The following SLC6A2 variants were observed in gnomAD, a reference collection of about 807,000 sequenced individuals.
SLC6A2 encodes solute carrier family 6 member 2.
A neutral mutation model predicts 71.7 loss-of-function variants in SLC6A2; 26 were observed. The ratio of observed to expected loss-of-function variants is 0.36; its 90% CI spans 0.27 to 0.50. The LOEUF is 0.50. Ranked by LOEUF, SLC6A2 falls within the 20% of genes least tolerant of loss-of-function variation. The pLI is 0.96. For missense variants in SLC6A2, 581 were observed against 803.9 expected (o/e 0.72, Z 3.35); for synonymous variants, 363 against 337.9 (o/e 1.07, Z -0.82).
chr16:55,690,252 A>G (rs28645660), intron 5 of SLC6A2, among the ~76,000 whole-genome samples: 148,224 of 152,314 alleles, frequency 0.97, 72,253 homozygotes, highest in Middle Eastern at 1. Context: ...CATGTGCCGG[A>G]TTCTGGGGAT....
rs1380766172 is a variant in SLC6A2, at chr16:55,698,028, G to A, written c.1389+3G>A. 1 of 1,614,046 alleles carries A rather than the reference G, an allele frequency of 6.2e-7. No individual in the cohort carries two copies. The highest frequency in any genetic ancestry group is 1.3e-5 in the African/African-American group (1 of 74,938). ...TCGCCCTGTTCTGCATAACCAAGGT[G>A]AGTAGGGGCTGGGCTCTGGGTCACC... On this transcript the variant is annotated splice_donor_region_variant and intron_variant, in intron 10 of 14. Transcript: ENST00000568943.
chr16:55,695,553 A>C, intron 8 of SLC6A2, 151 bp downstream of exon 8: 1 of 865,360 alleles, frequency 1.2e-6, no homozygotes, highest in South Asian at 1.5e-5. Flanking sequence ...CTTTCCTTTG[A>C]GGTTATTAGT....
At position 55,669,614 on chromosome 16, in the gene SLC6A2, C is replaced by G. The variant is rs754000008; in HGVS notation, c.324C>G (p.Pro108=). 6.2e-7 allele frequency: 1 copy of G among 1,614,078 alleles called. No homozygotes were observed. Among genetic ancestry groups the G allele is most frequent in the Middle Eastern group, 1.6e-4 (1 of 6,062 alleles). ...TGTTCCTTATCATCGCGGGGATGCC[C>G]CTGTTCTACATGGAGCTGGCTCTGG... ...YTLFLIIAGM[P]LFYMELALGQ... is the part of the protein sequence containing the mutation. The change falls in exon 3 of 15, where the codon CCC becomes CCG. Residue 108 remains proline, a synonymous_variant. Transcript: ENST00000568943.
chr16:55,691,886 G>C (rs561110226), intron 5 of SLC6A2, 32 bp from the exon 6 acceptor site: 1 of 1,613,572 alleles, frequency 6.2e-7, no homozygotes, highest in South Asian at 1.1e-5. Flanking sequence ...GGGCCAGAGC[G>C]AGGCTCTCAC....
In SLC6A2 at chr16:55,656,426, G is replaced by A. The variant is rs1273866931; in HGVS notation, c.-51-218G>A. The A allele has an allele frequency of 1.3e-5, 7 of 556,640 alleles. No homozygotes were observed. The highest frequency in any genetic ancestry group is 1.9e-5 in the African/African-American group (1 of 52,886). 34.5% of individuals were successfully genotyped at this position (556,640 alleles called of 1,614,324 possible). A position where few individuals can be genotyped will look rare whatever the true frequency, so the allele number is the denominator to read the frequency against. ...GAAAAGTGCTGCAGGGTCTTCAGCCGCCCCCAGAGGGCTGTCAGAAGTCTC... is the reference window on the plus strand; with the variant it reads ...GAAAAGTGCTGCAGGGTCTTCAGCCACCCCCAGAGGGCTGTCAGAAGTCTC... On this transcript the variant is annotated intron_variant, in intron 1 of 14. Transcript: ENST00000568943. This position sits in a 1 kb window ranked among gnomAD's most constrained non-coding sequence, Gnocchi z 4.5.
Position 55,702,496 on chromosome 16 carries a change from G to T in SLC6A2, c.*150G>T, listed in dbSNP as rs778303746. 6.5e-7 allele frequency: 1 copy of T among 1,543,062 alleles called. No homozygotes were observed. Among genetic ancestry groups the T allele is most frequent in the Admixed American group, 2.0e-5 (1 of 50,870 alleles). On this transcript the variant is annotated 3_prime_UTR_variant, in exon 15 of 15. Transcript: ENST00000568943. The stretch of plus-strand genomic sequence containing the variant: ...TCTTTTCCCATTTACAAATGATTTC[G>T]TGACTGTAGTTTTTGTTCACCTTCT...
intron 2 of SLC6A2, among the ~76,000 whole-genome samples, chr16:55,658,060 A>T (rs1364436565): frequency 6.6e-6 from 1 of 151,852 alleles, no homozygotes; most frequent in Non-Finnish European, 1.5e-5. Flanking sequence ...GGTAGCTGTG[A>T]CTCTGGACTT....
In SLC6A2 at chr16:55,656,350, T is replaced by C; in HGVS notation, c.-52+181T>C. 2.5e-6 allele frequency: 1 copy of C among 407,466 alleles called. No individual in the cohort carries two copies. The allele number at this position is 407,466 out of a possible 1,614,324, so 25.2% of individuals were successfully genotyped here. On this transcript the variant is annotated intron_variant, in intron 1 of 14. Transcript: ENST00000568943. The surrounding 1 kb of genome is among the most constrained non-coding windows in gnomAD (Gnocchi z 4.5). ...GGGGGTCGGCACGCTGCCCTCAGCC[T>C]CGGTGAGTTCAATCCCAGCCATTTG... is the stretch of plus-strand genomic sequence containing the variant.
intron 5 of SLC6A2, among the ~76,000 whole-genome samples, chr16:55,687,362 G>T (rs1965485727): frequency 6.6e-6 from 1 of 152,352 alleles, no homozygotes; most frequent in Non-Finnish European, 1.5e-5. Context: ...TGGTCAAAAA[G>T]TGTGAGATGC....
Position 55,656,527 on chromosome 16 carries a change from C to T in SLC6A2, c.-51-117C>T, listed in dbSNP as rs1322094500. On this transcript the variant is annotated intron_variant, in intron 1 of 14. Coordinates refer to ENST00000568943, the MANE Select transcript of SLC6A2 (RefSeq NM_001172501.3). This position sits in a 1 kb window ranked among gnomAD's most constrained non-coding sequence, Gnocchi z 4.5. ...CGGACGCGCGCCCTTTTCTGGGAAC[C>T]CTGCGTCCGCTCAGCGCGCGCTCAT... The T allele has an allele frequency of 3.6e-6, 3 of 821,990 alleles. No individual in the cohort carries two copies. The highest frequency in any genetic ancestry group is 4.0e-6 in the Non-Finnish European group (2 of 505,000). The allele number at this position is 821,990 out of a possible 1,614,324, so 50.9% of individuals were successfully genotyped here. A position where few individuals can be genotyped will look rare whatever the true frequency, so the allele number is the denominator to read the frequency against.
At chr16:55,678,312 T>A (rs553061471) in intron 4 of SLC6A2, among the ~76,000 whole-genome samples, 1 of 147,540 alleles carries the variant, frequency 6.8e-6, no homozygotes, top group Admixed American at 6.8e-5. Context: ...GCCTCTGGAC[T>A]TTTTTTTTTA....
At chr16:55,665,441 C>T (rs1240204422) in intron 2 of SLC6A2, among the ~76,000 whole-genome samples, 2 of 152,128 alleles carry the variant, frequency 1.3e-5, no homozygotes, top group Non-Finnish European at 2.9e-5. Flanking sequence ...GTGCATGACA[C>T]CAGCAGCGAC....
At chr16:55,693,961 C>A in intron 6 of SLC6A2, 49 bp from the exon 7 acceptor site, 1 of 1,196,346 alleles carries the variant, frequency 8.4e-7, no homozygotes, top group Non-Finnish European at 1.3e-6. Flanking sequence ...GTGAGGTGTT[C>A]CAGTGTTGTA....
intron 5 of SLC6A2, among the ~76,000 whole-genome samples, chr16:55,686,788 G>A (rs1213931106): frequency 6.6e-6 from 1 of 152,202 alleles, no homozygotes; most frequent in Non-Finnish European, 1.5e-5. Flanking sequence ...ACAAAATGCA[G>A]ACCAGGGCTT....
At chr16:55,683,666 C>T (rs1225192504) in intron 4 of SLC6A2, among the ~76,000 whole-genome samples, 1 of 151,838 alleles carries the variant, frequency 6.6e-6, no homozygotes, top group Non-Finnish European at 1.5e-5. Flanking sequence ...AGAAAAAAAA[C>T]CCAAACACTT....
chr16:55,675,562 A>G (rs1355114036), intron 4 of SLC6A2, among the ~76,000 whole-genome samples: 2 of 152,212 alleles, frequency 1.3e-5, no homozygotes, highest in African/African-American at 2.4e-5. Flanking sequence ...TTCCTGGCCT[A>G]GTGCAAGATT....
chr16:55,702,488 A>G lies in SLC6A2; in HGVS notation c.*142A>G, dbSNP rs1966003283. On this transcript the variant is annotated 3_prime_UTR_variant, in exon 15 of 15. Coordinates refer to ENST00000568943, the MANE Select transcript of SLC6A2 (RefSeq NM_001172501.3). ...TCCTCTCTTCTTTTCCCATTTACAA[A>G]TGATTTCGTGACTGTAGTTTTTGTT... The G allele has an allele frequency of 3.9e-6, 6 of 1,553,484 alleles. No homozygotes were observed. Among genetic ancestry groups the G allele is most frequent in the Non-Finnish European group, 5.2e-6 (6 of 1,147,352 alleles).
intron 4 of SLC6A2, among the ~76,000 whole-genome samples, chr16:55,678,328 G>A (rs1489205458): frequency 2.6e-5 from 4 of 151,604 alleles, no homozygotes; most frequent in East Asian, 3.9e-4. Context: ...TTTTAATGGC[G>A]TGATGCCCTT....
In SLC6A2 at chr16:55,706,039, C is replaced by T. The variant is rs375683195; in HGVS notation, c.*3693C>T. 13 of 152,184 alleles carry T rather than the reference C, an allele frequency of 8.5e-5. No homozygotes were observed. The highest frequency in any genetic ancestry group is 1.3e-4 in the Admixed American group (2 of 15,282). The allele number at this position is 152,184 out of a possible 1,614,324, so 9.4% of individuals were successfully genotyped here. A position where few individuals can be genotyped will look rare whatever the true frequency, so the allele number is the denominator to read the frequency against. On this transcript the variant is annotated 3_prime_UTR_variant, in exon 15 of 15. Transcript: ENST00000568943. ...CCTCATCCCTCTGTCTCTCTGCTTC[C>T]GTGTAAATAAAGACTGTTTCAATTG...
Sources: gnomAD v4.1 joint callset for allele counts (sites outside exome capture counted in the v4.1 genomes callset) on GRCh38, gnomAD v4.1.1 for gene constraint, Gnocchi (gnomAD v3.1) non-coding constraint, MANE v1.5 for transcripts, NCBI Gene and HGNC (gene_info 2026-07-23, HGNC 2026-07-21) for gene names.